Variants in ST6GALNAC6 observed in about 807,000 individuals in gnomAD.
ST6GALNAC6 encodes ST6 N-acetylgalactosaminide alpha-2,6-sialyltransferase 6.
Under a neutral mutation model 34.3 loss-of-function variants are expected in ST6GALNAC6, and 19 were observed. That is an observed-to-expected ratio of 0.55 (90% CI 0.39 to 0.81). ST6GALNAC6 has a LOEUF of 0.81. ST6GALNAC6 is among the 40% of genes least tolerant of loss of function. The pLI, the probability that ST6GALNAC6 is intolerant of heterozygous loss-of-function variation, is 0.00. For synonymous variants in ST6GALNAC6, 185 were observed against 182.1 expected, an observed-to-expected ratio of 1.02 and a Z score of -0.13; for missense variants, 377 against 467.7, an observed-to-expected ratio of 0.81 and a Z score of 1.79.
chr9:127,894,446 A>G, intron 4 of ST6GALNAC6, 66 bp downstream of exon 4: 1 of 1,570,546 alleles, frequency 6.4e-7, no homozygotes, highest in Non-Finnish European at 8.6e-7. Flanking sequence ...TCCTTTAGGA[A>G]AGAACAGGTG....
In ST6GALNAC6 at chr9:127,899,595, C is replaced by G. The variant is rs1184374344; in HGVS notation, c.-122G>C. 1 of 981,566 alleles carries G rather than the reference C, an allele frequency of 1.0e-6. No homozygotes were observed. Among genetic ancestry groups the G allele is most frequent in the Admixed American group, 6.3e-5 (1 of 15,936 alleles). 60.8% of individuals were successfully genotyped at this position (981,566 alleles called of 1,614,324 possible). On this transcript the variant is annotated 5_prime_UTR_variant, in exon 1 of 7. Transcript: ENST00000373146. ...CCGGGGTCCGCGCTCCTCAGGCCGC[C>G]CAGGCCTCGCCGCACCCGCGGCCCG...
rs1258393899 is a variant in ST6GALNAC6, at chr9:127,896,248, G to A, written c.111C>T (p.Ser37=). ...GAAATGAAGGCAGACTTACTTTGTT[G>A]CTACTCATTTCTCTCCGGCGTCTGC... ...PLSRRRREMS[S]NKEQRSAVFV... The change falls in exon 3 of 7, where the codon AGC becomes AGT. Residue 37 remains serine (S), a synonymous_variant. Transcript: ENST00000373146. 6.2e-7 allele frequency: 1 copy of A among 1,614,166 alleles called. No homozygotes were observed. The highest frequency in any genetic ancestry group is 8.5e-7 in the Non-Finnish European group (1 of 1,179,988).
In ST6GALNAC6 at chr9:127,896,293, T is replaced by C; in HGVS notation, c.66A>G (p.Gly22=). 6.2e-7 allele frequency: 1 copy of C among 1,613,936 alleles called. No homozygotes were observed. Among genetic ancestry groups the C allele is most frequent in the African/African-American group, 1.3e-5 (1 of 75,028 alleles). The change falls in exon 3 of 7, where the codon GGA becomes GGG. Residue 22 remains glycine (G), a synonymous_variant. Coordinates refer to ENST00000373146, the MANE Select transcript of ST6GALNAC6 (RefSeq NM_013443.5). ...PTSLPPGPPA[G]RRHLPLSRRR... ...GTCTGCTGAGGGGTAGGTGTCGGCGTCCTGCAGGTGGCCCTGGGGGCAGGG... is the reference window on the plus strand; with the variant it reads ...GTCTGCTGAGGGGTAGGTGTCGGCGCCCTGCAGGTGGCCCTGGGGGCAGGG...
rs1829781881 is a variant in ST6GALNAC6 at position 127,886,753 on chromosome 9, T to A, written c.848A>T (p.Tyr283Phe). The change falls in exon 7 of 7, where the codon TAC (tyrosine) becomes TTC (phenylalanine). Residue 283 changes from tyrosine to phenylalanine, a missense_variant. Coordinates refer to ENST00000373146, the MANE Select transcript of ST6GALNAC6 (RefSeq NM_013443.5). The stretch of plus-strand genomic sequence containing the variant: ...TTCGTCCGGCCCCTTGGGCTCGTAG[T>A]AGTGGTAGGGCATGCGCTGGAGGCG... ...RPRLQRMPYH[Y>F]YEPKGPDECV... is the part of the protein sequence containing the mutation. 1 of 1,612,656 alleles carries A rather than the reference T, an allele frequency of 6.2e-7. No individual in the cohort carries two copies. Among genetic ancestry groups the A allele is most frequent in the Non-Finnish European group, 8.5e-7 (1 of 1,179,032 alleles).
chr9:127,894,735 C>T, intron 3 of ST6GALNAC6, 44 bp from the exon 4 acceptor site: 2 of 1,447,418 alleles, frequency 1.4e-6, no homozygotes, highest in Middle Eastern at 3.5e-4. Context: ...GCCGGGCAGG[C>T]TCAGCGCCCC....
chr9:127,892,714 G>A (rs1016903692), intron 4 of ST6GALNAC6, among the ~76,000 whole-genome samples: 1 of 152,128 alleles, frequency 6.6e-6, no homozygotes, highest in Non-Finnish European at 1.5e-5. Context: ...CATCATCGTT[G>A]TTTTTAACAT....
intron 5 of ST6GALNAC6, among the ~76,000 whole-genome samples, chr9:127,889,747 A>T (rs548077460): frequency 2.0e-5 from 3 of 152,320 alleles, no homozygotes; most frequent in East Asian, 1.9e-4. Context: ...CCAGCCACAG[A>T]AATCAATTTC....
Position 127,886,339 on chromosome 9 carries a change from C to A in ST6GALNAC6, c.*260G>T. 1.9e-6 allele frequency: 2 copies of A among 1,055,714 alleles called. No homozygotes were observed. The highest frequency in any genetic ancestry group is 2.6e-6 in the Non-Finnish European group (2 of 759,956). The allele number at this position is 1,055,714 out of a possible 1,614,324, so 65.4% of individuals were successfully genotyped here. A position where few individuals can be genotyped will look rare whatever the true frequency, so the allele number is the denominator to read the frequency against. ...GCCTCAGATTGACTCAGAAATACCC[C>A]CTCTACCCTGATTGACTGTGCGCAG... On this transcript the variant is annotated 3_prime_UTR_variant, in exon 7 of 7. Transcript: ENST00000373146.
rs201861288 is a variant in ST6GALNAC6 at position 127,896,265 on chromosome 9, G to T, written c.94C>A (p.Arg32=). 5.6e-5 allele frequency: 91 copies of T among 1,613,996 alleles called. No homozygotes were observed. Among genetic ancestry groups the T allele is most frequent in the Non-Finnish European group, 7.5e-5 (88 of 1,179,990 alleles). Residue 32 remains arginine (R), a synonymous_variant, in exon 3 of 7, where the codon CGG becomes AGG. Transcript: ENST00000373146. ...GRRHLPLSRR[R]REMSSNKEQR... ...ACTTTGTTGCTACTCATTTCTCTCCGGCGTCTGCTGAGGGGTAGGTGTCGG... is the reference window on the plus strand; with the variant it reads ...ACTTTGTTGCTACTCATTTCTCTCCTGCGTCTGCTGAGGGGTAGGTGTCGG...
At chr9:127,892,033 C>T (rs780442675) in intron 4 of ST6GALNAC6, among the ~76,000 whole-genome samples, 9 of 152,162 alleles carry the variant, frequency 5.9e-5, no homozygotes, top group Non-Finnish European at 1.2e-4. Context: ...TGCCTGTAAT[C>T]CCAGTTACTC....
intron 3 of ST6GALNAC6, 110 bp downstream of exon 3, chr9:127,896,132 C>A (rs1002288133): frequency 2.3e-6 from 3 of 1,293,774 alleles, no homozygotes; most frequent in Non-Finnish European, 2.2e-6. Flanking sequence ...CAGCTTCTTG[C>A]GGGGAAGAAG....
intron 4 of ST6GALNAC6, among the ~76,000 whole-genome samples, chr9:127,891,879 C>CGATG (rs1830165792): frequency 6.6e-6 from 1 of 150,488 alleles, no homozygotes; most frequent in South Asian, 2.1e-4. Flanking sequence ...AGTCCAGGTG[C>CGATG]GATGGCTCAC....
At chr9:127,892,059 G>A (rs1830177757) in intron 4 of ST6GALNAC6, among the ~76,000 whole-genome samples, 1 of 152,194 alleles carries the variant, frequency 6.6e-6, no homozygotes, top group Non-Finnish European at 1.5e-5. Flanking sequence ...GCTGAGGCAG[G>A]AGAATCGCTT....
chr9:127,905,685 G>A (rs1405158826), upstream of ST6GALNAC6, among the ~76,000 whole-genome samples: 1 of 152,244 alleles, frequency 6.6e-6, no homozygotes, highest in African/African-American at 2.4e-5. Flanking sequence ...CACGAAAAAT[G>A]CTGGCTCCAC....
At position 127,886,697 on chromosome 9, in the gene ST6GALNAC6, G is replaced by A. The variant is rs777035108; in HGVS notation, c.904C>T (p.Arg302Cys). 169 of 1,614,042 alleles carry A rather than the reference G, an allele frequency of 1.0e-4. No individual in the cohort carries two copies. Among genetic ancestry groups the A allele is most frequent in the Middle Eastern group, 1.6e-4 (1 of 6,084 alleles). Residue 302 changes from arginine to cysteine, a missense_variant, in exon 7 of 7, where the codon CGC becomes TGC. By Grantham distance (180) the Arg-to-Cys change is radical. Transcript: ENST00000373146. ...ATGAAGCGGTGGTGGTTGCCCTTGC[G>A]ACTGTGCTCATTCTGGATGTAGGTG... ...CVTYIQNEHS[R>C]KGNHHRFITE...
At chr9:127,894,737 C>A in intron 3 of ST6GALNAC6, 46 bp from the exon 4 acceptor site, 2 of 1,447,466 alleles carry the variant, frequency 1.4e-6, no homozygotes, top group South Asian at 1.2e-5. Flanking sequence ...CGGGCAGGCT[C>A]AGCGCCCCCA....
intron 1 of ST6GALNAC6, among the ~76,000 whole-genome samples, chr9:127,899,007 C>A (rs1191420014): frequency 2.6e-5 from 4 of 152,222 alleles, no homozygotes; most frequent in African/African-American, 9.6e-5. Flanking sequence ...ACCCTGCCCT[C>A]TGTTTGGGGG....
chr9:127,899,446 C>A, intron 1 of ST6GALNAC6, 57 bp downstream of exon 1: 1 of 805,918 alleles, frequency 1.2e-6, no homozygotes, highest in South Asian at 5.4e-5. Flanking sequence ...GCCCTCCGCC[C>A]CAGCCCCCGC....
At chr9:127,906,068 G>C (rs1035746970), upstream of ST6GALNAC6, 10 of 970,786 alleles carry the variant, frequency 1.0e-5, no homozygotes, top group African/African-American at 1.8e-4. Context: ...ACCTGGCACT[G>C]GGCAGGAGGA....
Sources: allele counts gnomAD v4.1 joint callset (sites outside exome capture counted in the v4.1 genomes callset), GRCh38; gene constraint gnomAD v4.1.1; transcripts MANE v1.5; gene names NCBI Gene and HGNC (gene_info 2026-07-23, HGNC 2026-07-21).